LONP2: variants seen among roughly 807,000 people sequenced by gnomAD.
The protein encoded by LONP2 is lon protease homolog 2, peroxisomal.
LONP2 carries 60 observed loss-of-function variants against 85.6 expected under a neutral mutation model. The ratio of observed to expected loss-of-function variants is 0.70; its 90% CI spans 0.57 to 0.87. The LOEUF (loss-of-function observed/expected upper bound fraction) is 0.87, where lower values mean the gene tolerates loss of function less well. LONP2 is among the 40% of genes least tolerant of loss of function. The probability of loss-of-function intolerance (pLI) is 0.00; values close to 1 mark genes in which losing one functional copy is unlikely to be tolerated. For synonymous variants in LONP2, 395 were observed against 389.7 expected, an observed-to-expected ratio of 1.01 and a Z score of -0.16; for missense variants, 860 against 1,063.5, an observed-to-expected ratio of 0.81 and a Z score of 2.66.
chr16:48,289,635 T>A (rs1972519177), intron 8 of LONP2, among the ~76,000 whole-genome samples: 1 of 152,212 alleles, frequency 6.6e-6, no homozygotes, highest in African/African-American at 2.4e-5. Context: ...TTAAGGCAGA[T>A]AAGTGAGGAC....
intron 3 of LONP2, among the ~76,000 whole-genome samples, chr16:48,257,692 C>CTTTTAAT (rs1971787860): frequency 1.3e-5 from 2 of 152,240 alleles, no homozygotes; most frequent in African/African-American, 4.8e-5. Context: ...CATATGTTAT[C>CTTTTAAT]AGTTTATTTA....
intron 2 of LONP2, among the ~76,000 whole-genome samples, chr16:48,252,635 A>C (rs1472380684): frequency 2.0e-5 from 3 of 152,216 alleles, no homozygotes; most frequent in Non-Finnish European, 1.5e-5. Flanking sequence ...ATAATTATTA[A>C]ACCTAAATAT....
Position 48,294,236 on chromosome 16 carries a change from C to T in LONP2, c.1384-1779C>T, listed in dbSNP as rs530349108. ...GATTACAGGTGTGAGCCACCGTGCC[C>T]GGCCTGTGAACAGTTTTTAGATGAT... is the stretch of plus-strand genomic sequence containing the variant. On this transcript the variant is annotated intron_variant, in intron 8 of 14. Transcript: ENST00000285737. 8.7e-4 allele frequency among the ~76,000 whole-genome samples: 132 copies of T among 152,228 alleles called. 2 individuals are homozygous for T. The highest frequency in any genetic ancestry group is 1.6e-3 in the Non-Finnish European group (108 of 68,020).
intron 6 of LONP2, among the ~76,000 whole-genome samples, chr16:48,268,372 A>C (rs58531648): frequency 0.014 from 2,086 of 152,266 alleles, 48 homozygotes; most frequent in African/African-American, 0.047. Context: ...GAATGTGTTA[A>C]TCATGAATGG....
At chr16:48,284,651 CT>C (rs1340088410) in intron 8 of LONP2, among the ~76,000 whole-genome samples, 1 of 152,022 alleles carries the variant, frequency 6.6e-6, no homozygotes, top group Non-Finnish European at 1.5e-5. Context: ...ACTTAATAGA[CT>C]ATAGTATATT....
intron 4 of LONP2, among the ~76,000 whole-genome samples, chr16:48,261,053 G>A (rs1971864036): frequency 6.6e-6 from 1 of 152,170 alleles, no homozygotes; most frequent in Non-Finnish European, 1.5e-5. Flanking sequence ...ATTTTTTTCA[G>A]TCACCAAATG....
At chr16:48,276,642 T>A (rs1972215127) in intron 7 of LONP2, among the ~76,000 whole-genome samples, 1 of 152,222 alleles carries the variant, frequency 6.6e-6, no homozygotes, top group South Asian at 2.1e-4. Flanking sequence ...GGCTCTCACA[T>A]TTTAACGTTC....
chr16:48,295,286 C>T (rs1174962900), intron 8 of LONP2, among the ~76,000 whole-genome samples: 4 of 152,184 alleles, frequency 2.6e-5, no homozygotes, highest in Admixed American at 1.3e-4. Context: ...GCAGGAGAAT[C>T]GCTGGAACCC....
At position 48,252,234 on chromosome 16, in the gene LONP2, G is replaced by T. The variant is rs760215495; in HGVS notation, c.337G>T (p.Val113Phe). Reference protein sequence around the residue: ...TGLCRFQIVQVLKEKPYPIAE... With the variant: ...TGLCRFQIVQFLKEKPYPIAE... ...CCTATGCCGTTTCCAGATTGTACAG[G>T]TCTTAAAAGAGAAGCCATATCCCAT... Residue 113 changes from valine (V) to phenylalanine (F), a missense_variant, in exon 2 of 15, where the codon GTC becomes TTC. Coordinates refer to ENST00000285737, the MANE Select transcript of LONP2 (RefSeq NM_031490.5). 6.2e-7 allele frequency: 1 copy of T among 1,614,186 alleles called. No individual in the cohort carries two copies. The highest frequency in any genetic ancestry group is 2.2e-5 in the East Asian group (1 of 44,892).
chr16:48,265,484 T>A (rs1235715387), intron 6 of LONP2, among the ~76,000 whole-genome samples: 1 of 152,222 alleles, frequency 6.6e-6, no homozygotes. Context: ...GCCCTTTCCC[T>A]ATTGTATATT....
intron 12 of LONP2, among the ~76,000 whole-genome samples, chr16:48,338,229 G>A (rs971844065): frequency 1.3e-5 from 2 of 152,178 alleles, no homozygotes; most frequent in Non-Finnish European, 2.9e-5. Context: ...GACCTAACAT[G>A]TGCTTCTGGC....
intron 8 of LONP2, among the ~76,000 whole-genome samples, chr16:48,291,996 G>A (rs550701794): frequency 5.3e-5 from 8 of 152,296 alleles, no homozygotes; most frequent in African/African-American, 1.9e-4. Flanking sequence ...GCAGATATTG[G>A]GGAAAGAGGA....
At chr16:48,268,115 T>C (rs1185009402) in intron 6 of LONP2, among the ~76,000 whole-genome samples, 2 of 152,222 alleles carry the variant, frequency 1.3e-5, no homozygotes, top group Non-Finnish European at 2.9e-5. Flanking sequence ...TGAAAAATTT[T>C]TTACATGTAA....
At chr16:48,331,210 A>G (rs940058548) in intron 11 of LONP2, among the ~76,000 whole-genome samples, 4 of 152,214 alleles carry the variant, frequency 2.6e-5, no homozygotes, top group Non-Finnish European at 4.4e-5. Context: ...TAATTAAGCA[A>G]TGACACCTAC....
chr16:48,293,260 C>T (rs1972593865), intron 8 of LONP2, among the ~76,000 whole-genome samples: 1 of 152,084 alleles, frequency 6.6e-6, no homozygotes, highest in African/African-American at 2.4e-5. Flanking sequence ...AACCCCATCT[C>T]TACTAAAAAT....
intron 9 of LONP2, among the ~76,000 whole-genome samples, chr16:48,296,680 G>A (rs1051862830): frequency 8.3e-5 from 12 of 143,890 alleles, no homozygotes; most frequent in Non-Finnish European, 1.5e-4. Flanking sequence ...TGAGCCTCAC[G>A]CCACTGCACT....
At chr16:48,348,944 T>TA (rs1465105754) in intron 14 of LONP2, among the ~76,000 whole-genome samples, 2 of 152,238 alleles carry the variant, frequency 1.3e-5, no homozygotes, top group Non-Finnish European at 2.9e-5. Flanking sequence ...TAGTTGTTTT[T>TA]AAGCTTTAAG....
At position 48,270,274 on chromosome 16, in the gene LONP2, G is replaced by A; in HGVS notation, c.1241G>A (p.Arg414Lys). 6.2e-7 allele frequency: 1 copy of A among 1,612,994 alleles called. No homozygotes were observed. Among genetic ancestry groups the A allele is most frequent in the Non-Finnish European group, 8.5e-7 (1 of 1,179,202 alleles). Residue 414 changes from arginine (R) to lysine (K), a missense_variant and splice_region_variant, in exon 7 of 15, where the codon AGG becomes AAG. By Grantham distance (26) the Arg-to-Lys change is conservative. Transcript: ENST00000285737. ...VCDQSDIRGH[R>K]RTYVGSMPGR... is the part of the protein sequence containing the mutation. ...GATCAGTCTGACATTCGAGGACACAGGTAGAACACTTCTCTCAGTTTAATC... is the reference window on the plus strand; with the variant it reads ...GATCAGTCTGACATTCGAGGACACAAGTAGAACACTTCTCTCAGTTTAATC...
At chr16:48,349,959 T>A (rs148890819) in intron 14 of LONP2, among the ~76,000 whole-genome samples, 323 of 151,894 alleles carry the variant, frequency 2.1e-3, no homozygotes, top group Admixed American at 5.1e-3. Context: ...TTCAAAACTA[T>A]GAGGGAAAAT....
Sources: allele counts gnomAD v4.1 joint callset (sites outside exome capture counted in the v4.1 genomes callset), GRCh38; gene constraint gnomAD v4.1.1; transcripts MANE v1.5; gene names NCBI Gene and HGNC (gene_info 2026-07-23, HGNC 2026-07-21).